PRKAG2: variants seen among roughly 807,000 people sequenced by gnomAD.
PRKAG2 encodes 5'-AMP-activated protein kinase subunit gamma-2.
A neutral mutation model predicts 69.6 loss-of-function variants in PRKAG2; 26 were observed. That is an observed-to-expected ratio of 0.37 (90% CI 0.27 to 0.52). The LOEUF is 0.52. PRKAG2 is among the 20% of genes least tolerant of loss of function. The pLI, the probability that PRKAG2 is intolerant of heterozygous loss-of-function variation, is 0.90. For synonymous variants in PRKAG2, 293 were observed against 285.0 expected, an observed-to-expected ratio of 1.03 and a Z score of -0.28; for missense variants, 557 against 740.0, an observed-to-expected ratio of 0.75 and a Z score of 2.87.
intron 3 of PRKAG2, 36 bp from the exon 4 acceptor site, chr7:151,675,673 G>A: frequency 6.4e-7 from 1 of 1,573,274 alleles, no homozygotes; most frequent in East Asian, 2.2e-5. Context: ...CAGAGGTCCG[G>A]CTTCCAGGAA....
intron 3 of PRKAG2, among the ~76,000 whole-genome samples, chr7:151,718,295 T>G (rs1409971127): frequency 6.6e-6 from 1 of 152,022 alleles, no homozygotes; most frequent in Non-Finnish European, 1.5e-5. Context: ...GGTAGAGCTC[T>G]TCCTCTTCTT....
intron 1 of PRKAG2, among the ~76,000 whole-genome samples, chr7:151,853,160 C>T (rs562128447): frequency 6.6e-6 from 1 of 152,090 alleles, no homozygotes; most frequent in Non-Finnish European, 1.5e-5. Flanking sequence ...AAGTAGGTGA[C>T]GATTGTGACA....
intron 1 of PRKAG2, among the ~76,000 whole-genome samples, chr7:151,855,316 C>G (rs1161047192): frequency 4.3e-4 from 2 of 4,650 alleles, no homozygotes; most frequent in Non-Finnish European, 7.2e-4. Flanking sequence ...ACACACACCA[C>G]CCTCCCACAC....
intron 4 of PRKAG2, among the ~76,000 whole-genome samples, chr7:151,668,688 T>C (rs957089793): frequency 2.0e-5 from 3 of 152,218 alleles, no homozygotes; most frequent in Admixed American, 1.3e-4. Context: ...GGGCAAATTC[T>C]GGGGCAATTT....
rs139907271 is a variant in PRKAG2, at chr7:151,691,472, A to C, written c.467-15835T>G. On this transcript the variant is annotated intron_variant, in intron 3 of 15. Transcript: ENST00000287878. ...TCAAAACTCAGTAACAACAACAACA[A>C]AAAAAACTCAGTAAAAAAAAAAAAA... Among the ~76,000 whole-genome samples, 426 of 119,520 alleles carry C rather than the reference A, an allele frequency of 3.6e-3. 3 individuals are homozygous for C. The highest frequency in any genetic ancestry group is 0.013 in the African/African-American group (410 of 32,002). The allele number at this position is 119,520 out of a possible 152,430, so 78.4% of individuals were successfully genotyped here. A position where few individuals can be genotyped will look rare whatever the true frequency, so the allele number is the denominator to read the frequency against.
intron 4 of PRKAG2, among the ~76,000 whole-genome samples, chr7:151,663,029 A>C (rs1470228122): frequency 6.6e-6 from 1 of 152,194 alleles, no homozygotes; most frequent in Non-Finnish European, 1.5e-5. Context: ...GGAGTTCAAG[A>C]CCAGCCTGGC....
rs115699432 is a variant in PRKAG2 at position 151,677,101 on chromosome 7, A to T, written c.467-1464T>A. ...GCCACTCAGTCGGTGGCACTTTGTT[A>T]TAACAGCCTGAGGAGACTGATGCAA... On this transcript the variant is annotated intron_variant, in intron 3 of 15. Transcript: ENST00000287878. 2.2e-3 allele frequency among the ~76,000 whole-genome samples: 337 copies of T among 152,352 alleles called. 2 individuals are homozygous for T. Among genetic ancestry groups the T allele is most frequent in the African/African-American group, 7.7e-3 (320 of 41,578 alleles).
intron 1 of PRKAG2, among the ~76,000 whole-genome samples, chr7:151,821,108 C>G (rs1347730594): frequency 3.3e-4 from 1 of 3,046 alleles, no homozygotes; most frequent in African/African-American, 1.1e-3. Context: ...GTGTGTGGCA[C>G]AGACAGCAGC....
chr7:151,601,113 C>G lies in PRKAG2; in HGVS notation c.755-5659G>C, dbSNP rs543745015. ...CTGGGGAGGACCCCTGTGTCCTGGG[C>G]CCTGTCCTGGGGTTACCCACAGGGG... On this transcript the variant is annotated intron_variant, in intron 5 of 15. Coordinates refer to ENST00000287878, the MANE Select transcript of PRKAG2 (RefSeq NM_016203.4). 1.1e-4 allele frequency among the ~76,000 whole-genome samples: 17 copies of G among 152,232 alleles called. No homozygotes were observed. In the South Asian group the frequency reaches 1.5e-3, roughly 13 times the overall value.
intron 15 of PRKAG2, chr7:151,558,995 CTG>C: frequency 1.0e-6 from 1 of 985,462 alleles, no homozygotes; most frequent in Non-Finnish European, 1.2e-6. Context: ...GCTGGGCAGA[CTG>C]TGTCCCGTGG....
intron 3 of PRKAG2, among the ~76,000 whole-genome samples, chr7:151,681,102 T>C (rs1448227715): frequency 6.6e-6 from 1 of 152,152 alleles, no homozygotes; most frequent in Non-Finnish European, 1.5e-5. Context: ...GCTCCTCCCA[T>C]GGCCCTGTCC....
chr7:151,565,670 C>T (rs1007349434), intron 12 of PRKAG2, 50 bp downstream of exon 12: 2 of 1,574,564 alleles, frequency 1.3e-6, no homozygotes, highest in Admixed American at 1.7e-5. Flanking sequence ...ACAATAATTG[C>T]ACCCTGAGAT....
chr7:151,826,079 T>A (rs537483913), intron 1 of PRKAG2, among the ~76,000 whole-genome samples: 3 of 152,098 alleles, frequency 2.0e-5, no homozygotes, highest in African/African-American at 7.2e-5. Flanking sequence ...TTTTCCCCAG[T>A]TGGTATGCAA....
At chr7:151,607,159 TAAC>T (rs755722942) in intron 5 of PRKAG2, among the ~76,000 whole-genome samples, 12 of 152,228 alleles carry the variant, frequency 7.9e-5, no homozygotes, top group Admixed American at 3.3e-4. Context: ...TAAAGGTTAA[TAAC>T]AAACTTTTAC....
intron 1 of PRKAG2, among the ~76,000 whole-genome samples, chr7:151,868,393 C>T (rs193006410): frequency 2.6e-5 from 4 of 152,310 alleles, no homozygotes; most frequent in Admixed American, 2.0e-4. Flanking sequence ...GTGGGGGCTT[C>T]TAAGAACTCC....
intron 4 of PRKAG2, among the ~76,000 whole-genome samples, chr7:151,667,385 T>C (rs546548904): frequency 5.5e-4 from 84 of 152,186 alleles, no homozygotes; most frequent in Non-Finnish European, 1.0e-3. Context: ...CATCTAAAAA[T>C]AGCCAAATGA....
intron 3 of PRKAG2, among the ~76,000 whole-genome samples, chr7:151,698,176 G>A (rs1198977049): frequency 2.0e-5 from 3 of 152,034 alleles, no homozygotes; most frequent in Non-Finnish European, 4.4e-5. Flanking sequence ...GAGGAGCGCC[G>A]CCAGCTTGGG....
At position 151,807,202 on chromosome 7, in the gene PRKAG2, C is replaced by T. The variant is rs1324870128; in HGVS notation, c.115-20661G>A. On this transcript the variant is annotated intron_variant, in intron 1 of 15. Transcript: ENST00000287878. This position sits in a 1 kb window ranked among gnomAD's most constrained non-coding sequence, Gnocchi z 4.4. ...GACAACCCATCTAATTGTATACTGT[C>T]AGTCAAAGGGCATTATATGTAAATC... 6.6e-6 allele frequency among the ~76,000 whole-genome samples: 1 copy of T among 152,134 alleles called. No homozygotes were observed. The highest frequency in any genetic ancestry group is 1.5e-5 in the Non-Finnish European group (1 of 68,038).
At chr7:151,859,134 G>A (rs1194804878) in intron 1 of PRKAG2, among the ~76,000 whole-genome samples, 1 of 152,236 alleles carries the variant, frequency 6.6e-6, no homozygotes, top group Admixed American at 6.5e-5. Context: ...AAAACAGGTC[G>A]CTGGGGCCTC....
Sources: gnomAD v4.1 joint callset for allele counts (sites outside exome capture counted in the v4.1 genomes callset) on GRCh38, gnomAD v4.1.1 for gene constraint, Gnocchi (gnomAD v3.1) non-coding constraint, MANE v1.5 for transcripts, NCBI Gene and HGNC (gene_info 2026-07-23, HGNC 2026-07-21) for gene names.